Variants in BACH2 observed in about 807,000 individuals in gnomAD.
The protein encoded by BACH2 is BACH transcriptional regulator 2, also known as transcription regulator protein BACH2.
A neutral mutation model predicts 61.8 loss-of-function variants in BACH2; 5 were observed. The observed-to-expected ratio is 0.08, with a 90% CI of 0.04 to 0.17. The LOEUF is 0.17. BACH2 is among the 10% of genes least tolerant of loss of function. The pLI, the probability that BACH2 is intolerant of heterozygous loss-of-function variation, is 1.00. For missense variants in BACH2, 824 were observed against 1,091.1 expected (o/e 0.76, Z 3.45); for synonymous variants, 446 against 440.1 (o/e 1.01, Z -0.17).
At chr6:90,178,479 T>C (rs1017916263) in intron 4 of BACH2, among the ~76,000 whole-genome samples, 2 of 152,214 alleles carry the variant, frequency 1.3e-5, no homozygotes, top group African/African-American at 4.8e-5. Flanking sequence ...CTAGTAATAG[T>C]GCGTAAACGC....
At chr6:90,116,869 A>G (rs1783422348) in intron 4 of BACH2, 2 of 629,342 alleles carry the variant, frequency 3.2e-6, no homozygotes, top group Admixed American at 3.2e-5. Flanking sequence ...TATTTGATAG[A>G]TGCCTCCAGG....
intron 3 of BACH2, among the ~76,000 whole-genome samples, chr6:90,207,411 C>T (rs1255518882): frequency 6.6e-6 from 1 of 152,126 alleles, no homozygotes; most frequent in Non-Finnish European, 1.5e-5. Context: ...CCATACCTGG[C>T]CAGTTTCAAG....
At chr6:90,045,170 T>C (rs1779719989) in intron 5 of BACH2, among the ~76,000 whole-genome samples, 2 of 152,214 alleles carry the variant, frequency 1.3e-5, no homozygotes, top group African/African-American at 4.8e-5. Context: ...AATTAATTTT[T>C]TTCCATGTCT....
intron 7 of BACH2, among the ~76,000 whole-genome samples, chr6:89,942,534 AG>A (rs1191843346): frequency 6.6e-6 from 1 of 152,186 alleles, no homozygotes; most frequent in Non-Finnish European, 1.5e-5. Flanking sequence ...ACTTCCCAGC[AG>A]TGGCTTGGTT....
At chr6:89,933,511 T>C (rs977040036) in intron 8 of BACH2, among the ~76,000 whole-genome samples, 1 of 152,000 alleles carries the variant, frequency 6.6e-6, no homozygotes, top group Non-Finnish European at 1.5e-5. Flanking sequence ...GAGAGTGAAC[T>C]CTAATGCAAA....
chr6:89,944,492 A>G (rs1773616020), intron 7 of BACH2, among the ~76,000 whole-genome samples: 1 of 152,246 alleles, frequency 6.6e-6, no homozygotes, highest in Admixed American at 6.5e-5. Context: ...GTTTCTTTTT[A>G]TTAAGCAGAC....
At chr6:90,280,090 T>TC (rs1448025444) in intron 1 of BACH2, among the ~76,000 whole-genome samples, 3 of 151,992 alleles carry the variant, frequency 2.0e-5, no homozygotes. Flanking sequence ...CTTCAAAGGT[T>TC]CCCATAAGGT....
At chr6:90,003,462 T>G (rs1412771850) in intron 6 of BACH2, among the ~76,000 whole-genome samples, 1 of 152,228 alleles carries the variant, frequency 6.6e-6, no homozygotes, top group African/African-American at 2.4e-5. Flanking sequence ...CTGTTTTATT[T>G]TCCTCAATGG....
intron 4 of BACH2, among the ~76,000 whole-genome samples, chr6:90,138,061 CA>C (rs1784337876): frequency 4.6e-5 from 7 of 150,834 alleles, no homozygotes; most frequent in Admixed American, 4.6e-4. Context: ...AAAACACACA[CA>C]CACACACACA....
chr6:90,034,941 T>A (rs1317331732), intron 5 of BACH2, among the ~76,000 whole-genome samples: 1 of 152,150 alleles, frequency 6.6e-6, no homozygotes, highest in African/African-American at 2.4e-5. Flanking sequence ...AGACAATATG[T>A]AGGAATACAT....
intron 6 of BACH2, among the ~76,000 whole-genome samples, chr6:89,989,566 G>A (rs1302648235): frequency 2.0e-5 from 3 of 152,128 alleles, no homozygotes; most frequent in African/African-American, 2.4e-5. Flanking sequence ...CGGGCGTGGA[G>A]CATGTTGGCA....
intron 4 of BACH2, among the ~76,000 whole-genome samples, chr6:90,155,562 G>T (rs1784968459): frequency 6.6e-6 from 1 of 152,068 alleles, no homozygotes; most frequent in African/African-American, 2.4e-5. Flanking sequence ...TGATTCATTT[G>T]CAATAGTAAA....
chr6:90,230,197 A>G (rs1467966631), intron 3 of BACH2, among the ~76,000 whole-genome samples: 1 of 152,180 alleles, frequency 6.6e-6, no homozygotes, highest in Non-Finnish European at 1.5e-5. Context: ...GTTACTAGCT[A>G]TGGCTCAGTT....
At chr6:90,211,539 C>T (rs900669787) in intron 3 of BACH2, among the ~76,000 whole-genome samples, 2 of 151,514 alleles carry the variant, frequency 1.3e-5, no homozygotes, top group African/African-American at 4.9e-5. Flanking sequence ...ATAACATAAG[C>T]CACCTTTAAT....
chr6:90,115,003 T>C (rs1019683509), intron 4 of BACH2, among the ~76,000 whole-genome samples: 8 of 151,956 alleles, frequency 5.3e-5, no homozygotes. Flanking sequence ...TACAAAACAC[T>C]ACTCAAAGAA....
chr6:90,023,887 T>C (rs1224674100), intron 5 of BACH2, among the ~76,000 whole-genome samples: 2 of 152,142 alleles, frequency 1.3e-5, no homozygotes, highest in Non-Finnish European at 2.9e-5. Flanking sequence ...GAGAAATAAA[T>C]GTTTGTTGTT....
chr6:90,007,397 G>A (rs1777466162), intron 6 of BACH2, among the ~76,000 whole-genome samples: 1 of 152,026 alleles, frequency 6.6e-6, no homozygotes, highest in African/African-American at 2.4e-5. Flanking sequence ...GAACTGCTGG[G>A]CTCAAGGGAT....
intron 5 of BACH2, among the ~76,000 whole-genome samples, chr6:90,044,556 C>A (rs1359624327): frequency 6.6e-6 from 1 of 152,200 alleles, no homozygotes; most frequent in Admixed American, 6.5e-5. Flanking sequence ...ATTCCTTTGG[C>A]TTCCATATGG....
At chr6:90,139,610 G>GT (rs1220474658) in intron 4 of BACH2, among the ~76,000 whole-genome samples, 2 of 152,148 alleles carry the variant, frequency 1.3e-5, no homozygotes, top group African/African-American at 4.8e-5. Flanking sequence ...GGGAGGAGGG[G>GT]TAGGGGTTGG....
Sources: gnomAD v4.1 joint callset for allele counts (sites outside exome capture counted in the v4.1 genomes callset) on GRCh38, gnomAD v4.1.1 for gene constraint, MANE v1.5 for transcripts, NCBI Gene and HGNC (gene_info 2026-07-23, HGNC 2026-07-21) for gene names.